Variants in UHRF1 observed in about 807,000 individuals in gnomAD.
The protein encoded by UHRF1 is E3 ubiquitin-protein ligase UHRF1.
UHRF1 carries 9 observed loss-of-function variants against 96.5 expected under a neutral mutation model. The ratio of observed to expected loss-of-function variants is 0.09; its 90% CI spans 0.06 to 0.16. The LOEUF (loss-of-function observed/expected upper bound fraction) is 0.16. UHRF1 is among the 10% of genes least tolerant of loss of function. The probability of loss-of-function intolerance (pLI) is 1.00; values close to 1 mark genes in which losing one functional copy is unlikely to be tolerated. For missense variants in UHRF1, 626 were observed against 1,131.1 expected (o/e 0.55, Z 6.40); for synonymous variants, 455 against 469.9 (o/e 0.97, Z 0.41).
intron 15 of UHRF1, among the ~76,000 whole-genome samples, chr19:4,955,763 C>T (rs17881510): frequency 0.014 from 2,121 of 151,980 alleles, 53 homozygotes; most frequent in African/African-American, 0.048. Context: ...CCTGGTGGCC[C>T]GTGTACTCAG....
chr19:4,954,893 C>G lies in UHRF1; in HGVS notation c.2130+71C>G. The G allele has an allele frequency of 6.4e-7, 1 of 1,567,560 alleles. No homozygotes were observed. Among genetic ancestry groups the G allele is most frequent in the Non-Finnish European group, 8.7e-7 (1 of 1,150,336 alleles). On this transcript the variant is annotated intron_variant, in intron 15 of 16. Coordinates refer to ENST00000650932, the MANE Select transcript of UHRF1 (RefSeq NM_001048201.3). The surrounding 1 kb of genome is among the most constrained non-coding windows in gnomAD (Gnocchi z 5.9). ...GGTAAAATGTGTGGGGCTTGTTTCCCATGTTCCCCATTTTCAAGTGTACAG... is the reference window on the plus strand; with the variant it reads ...GGTAAAATGTGTGGGGCTTGTTTCCGATGTTCCCCATTTTCAAGTGTACAG...
chr19:4,954,862 G>T lies in UHRF1; in HGVS notation c.2130+40G>T. On this transcript the variant is annotated intron_variant, in intron 15 of 16. Transcript: ENST00000650932. The surrounding 1 kb of genome is among the most constrained non-coding windows in gnomAD (Gnocchi z 5.9). ...CTCACTCGTCGCCCTGATTTGCGTT[G>T]ACTGCGGTAAAATGTGTGGGGCTTG... 2 of 1,606,542 alleles carry T rather than the reference G, an allele frequency of 1.2e-6. No homozygotes were observed. The highest frequency in any genetic ancestry group is 2.2e-5 in the South Asian group (2 of 90,396).
chr19:4,906,764 GA>G (rs1023435181), upstream of UHRF1, among the ~76,000 whole-genome samples: 15 of 151,914 alleles, frequency 9.9e-5, no homozygotes, highest in African/African-American at 3.6e-4. Flanking sequence ...AAAAGAAAAA[GA>G]AAAAAAGAAA....
At chr19:4,921,162 G>A (rs1210650675) in intron 2 of UHRF1, among the ~76,000 whole-genome samples, 3 of 148,918 alleles carry the variant, frequency 2.0e-5, no homozygotes, top group Middle Eastern at 7.6e-3. Context: ...CCAGGATGCC[G>A]GGCACGGTGG....
At position 4,925,106 on chromosome 19, in the gene UHRF1, C is replaced by T. The variant is rs377732598; in HGVS notation, c.154-4116C>T. Among the ~76,000 whole-genome samples, 19 of 152,106 alleles carry T rather than the reference C, an allele frequency of 1.2e-4. No individual in the cohort carries two copies. The South Asian group carries it at 3.9e-3, about 32-fold the overall frequency. On this transcript the variant is annotated intron_variant, in intron 2 of 16. Coordinates refer to ENST00000650932, the MANE Select transcript of UHRF1 (RefSeq NM_001048201.3). ...CCTCCCAGAGTGTTGAGATGACGGGCGTGAGCCACTGTGCCTGGCCTGCTT... is the reference window on the plus strand; with the variant it reads ...CCTCCCAGAGTGTTGAGATGACGGGTGTGAGCCACTGTGCCTGGCCTGCTT...
At chr19:4,938,919 T>G (rs1310051160) in intron 5 of UHRF1, among the ~76,000 whole-genome samples, 1 of 148,014 alleles carries the variant, frequency 6.8e-6, no homozygotes, top group African/African-American at 2.5e-5. Context: ...AATTTTTTTT[T>G]TTGTTTTTTG....
Position 4,950,936 on chromosome 19 carries a change from G to A in UHRF1, c.1758G>A (p.Glu586=), listed in dbSNP as rs544702680. ...ACCTTCTGCGGAGGGACGATGATGA[G>A]CCTGGCCCTTGGACGAAGGAGGGGA... ...WRYLLRRDDD[E]PGPWTKEGKD... Residue 586 remains glutamate (E), a synonymous_variant, in exon 13 of 17, where the codon GAG becomes GAA. Transcript: ENST00000650932. 120 of 1,613,026 alleles carry A rather than the reference G, an allele frequency of 7.4e-5. No individual in the cohort carries two copies. In the East Asian group the frequency reaches 1.7e-3, roughly 22 times the overall value.
At chr19:4,904,001 G>A (rs1201809732) in intron 1 of UHRF1, among the ~76,000 whole-genome samples, 2 of 150,548 alleles carry the variant, frequency 1.3e-5, no homozygotes, top group Non-Finnish European at 3.0e-5. Context: ...TTTTGAGGTG[G>A]AATCTCACTC....
At chr19:4,929,018 G>C (rs1448212917) in intron 2 of UHRF1, among the ~76,000 whole-genome samples, 1 of 152,234 alleles carries the variant, frequency 6.6e-6, no homozygotes, top group South Asian at 2.1e-4. Flanking sequence ...AGAGGGGCCT[G>C]AGACCCTGAG....
At chr19:4,952,947 C>T (rs1459079741) in intron 13 of UHRF1, among the ~76,000 whole-genome samples, 1 of 152,108 alleles carries the variant, frequency 6.6e-6, no homozygotes, top group Non-Finnish European at 1.5e-5. Flanking sequence ...CTGCTCTCAG[C>T]GCTTGCAGTC....
chr19:4,928,616 C>CAGGAAGCTCAT (rs747859497), intron 2 of UHRF1, among the ~76,000 whole-genome samples: 3 of 152,216 alleles, frequency 2.0e-5, no homozygotes, highest in African/African-American at 7.2e-5. Context: ...GAGCCTTACC[C>CAGGAAGCTCAT]AGGAAGCTCA....
chr19:4,950,999 G>A lies in UHRF1; in HGVS notation c.1818+3G>A. The stretch of plus-strand genomic sequence containing the variant: ...AGAAGCTGGGGCTGACCATGCAGGT[G>A]TGTCTGGGATGGGGGATGGCACTTT... On this transcript the variant is annotated splice_donor_region_variant and intron_variant, in intron 13 of 16. Transcript: ENST00000650932. 1 of 1,604,294 alleles carries A rather than the reference G, an allele frequency of 6.2e-7. No individual in the cohort carries two copies. The highest frequency in any genetic ancestry group is 8.5e-7 in the Non-Finnish European group (1 of 1,176,376).
At chr19:4,955,126 A>G (rs1380878654) in intron 15 of UHRF1, among the ~76,000 whole-genome samples, 2 of 150,732 alleles carry the variant, frequency 1.3e-5, no homozygotes, top group Non-Finnish European at 3.0e-5. Flanking sequence ...CTGCCATCCT[A>G]CCTTCTGTCT....
chr19:4,951,539 C>T (rs1475764018), intron 13 of UHRF1, among the ~76,000 whole-genome samples: 1 of 152,068 alleles, frequency 6.6e-6, no homozygotes, highest in Non-Finnish European at 1.5e-5. Flanking sequence ...ATCCTCCAGC[C>T]AGGGGGTGAT....
chr19:4,918,254 G>T (rs1020729323), intron 2 of UHRF1, among the ~76,000 whole-genome samples: 1 of 151,784 alleles, frequency 6.6e-6, no homozygotes, highest in Admixed American at 6.6e-5. Flanking sequence ...CAAGTAGCTG[G>T]GGTTACAGGT....
intron 5 of UHRF1, 45 bp downstream of exon 5, chr19:4,933,001 C>T (rs1331924046): frequency 1.3e-6 from 2 of 1,539,350 alleles, no homozygotes; most frequent in East Asian, 4.8e-5. Context: ...CTCCTTTCCT[C>T]CCCTCCCGGG....
chr19:4,937,407 G>A (rs1017313046), intron 5 of UHRF1, among the ~76,000 whole-genome samples: 26 of 151,690 alleles, frequency 1.7e-4, no homozygotes, highest in Admixed American at 1.2e-3. Flanking sequence ...TGTTTCCCAG[G>A]CTGGAGTGCG....
intron 2 of UHRF1, among the ~76,000 whole-genome samples, chr19:4,913,027 T>TA (rs752929139): frequency 1.1e-4 from 16 of 152,156 alleles, no homozygotes; most frequent in Non-Finnish European, 1.9e-4. Flanking sequence ...GTTTTGGGGT[T>TA]ACAGGCGTGA....
intron 13 of UHRF1, 116 bp downstream of exon 13, chr19:4,951,112 A>G (rs2033706653): frequency 1.5e-6 from 2 of 1,352,638 alleles, no homozygotes; most frequent in Non-Finnish European, 1.9e-6. Flanking sequence ...CTAAAAATAC[A>G]AAAATTAGCT....
Sources: allele counts gnomAD v4.1 joint callset (sites outside exome capture counted in the v4.1 genomes callset), GRCh38; gene constraint gnomAD v4.1.1; non-coding constraint Gnocchi (gnomAD v3.1); transcripts MANE v1.5; gene names NCBI Gene and HGNC (gene_info 2026-07-23, HGNC 2026-07-21).